The following TSEN54 variants were observed in gnomAD, a reference collection of about 807,000 sequenced individuals.
TSEN54 encodes the protein tRNA-splicing endonuclease subunit Sen54.
In TSEN54, 55 loss-of-function variants were observed where a neutral mutation model predicts 61.9. The observed-to-expected ratio is 0.89, with a 90% CI of 0.72 to 1.11. The LOEUF (loss-of-function observed/expected upper bound fraction) is 1.11. TSEN54 is among the 50% of genes most tolerant of loss of function. The pLI, the probability that TSEN54 is intolerant of heterozygous loss-of-function variation, is 0.00. For missense variants in TSEN54, 760 were observed against 687.7 expected, an observed-to-expected ratio of 1.11 and a Z score of -1.18; for synonymous variants, 304 against 288.7, an observed-to-expected ratio of 1.05 and a Z score of -0.54.
intron 7 of TSEN54, 49 bp from the exon 8 acceptor site, chr17:75,521,656 A>C: frequency 6.3e-7 from 1 of 1,598,804 alleles, no homozygotes; most frequent in Non-Finnish European, 8.6e-7. Context: ...GGACGTGTGC[A>C]CCTTAGCAAC....
intron 6 of TSEN54, among the ~76,000 whole-genome samples, chr17:75,521,019 T>C (rs943466782): frequency 6.6e-6 from 1 of 151,706 alleles, no homozygotes; most frequent in Non-Finnish European, 1.5e-5. Flanking sequence ...GTGACGGGGC[T>C]GTGTCCACAA....
intron 5 of TSEN54, 147 bp from the exon 6 acceptor site, chr17:75,518,848 C>T (rs892004180): frequency 5.8e-6 from 9 of 1,541,448 alleles, no homozygotes; most frequent in Middle Eastern, 2.2e-4. Flanking sequence ...CGTAATGAAG[C>T]ATGGTCCAAC....
At chr17:75,517,370 G>A in intron 4 of TSEN54, 126 bp downstream of exon 4, 1 of 1,267,214 alleles carries the variant, frequency 7.9e-7, no homozygotes, top group Non-Finnish European at 1.1e-6. Flanking sequence ...TAAAGCAGGA[G>A]GTGGTACGTT....
Position 75,516,629 on chromosome 17 carries a change from C to G in TSEN54, c.56+13C>G. 3 of 1,202,622 alleles carry G rather than the reference C, an allele frequency of 2.5e-6. No homozygotes were observed. Among genetic ancestry groups the G allele is most frequent in the Non-Finnish European group, 2.1e-6 (2 of 970,510 alleles). 74.5% of individuals were successfully genotyped at this position (1,202,622 alleles called of 1,614,324 possible). A position where few individuals can be genotyped will look rare whatever the true frequency, so the allele number is the denominator to read the frequency against. ...GGCGCGTGCTCAGGTGCGGCGCGGC[C>G]CGGCCGGAGTGGGTGTCGGGGGCGC... On this transcript the variant is annotated intron_variant, in intron 1 of 10. Coordinates refer to ENST00000333213, the MANE Select transcript of TSEN54 (RefSeq NM_207346.3).
At chr17:75,518,737 A>G (rs2053398809) in intron 5 of TSEN54, 1 of 985,286 alleles carries the variant, frequency 1.0e-6, no homozygotes, top group Non-Finnish European at 1.2e-6. Flanking sequence ...TTCTGGTTTC[A>G]TGGCTATCAG....
intron 8 of TSEN54, 115 bp downstream of exon 8, chr17:75,522,448 G>T: frequency 6.6e-7 from 1 of 1,521,860 alleles, no homozygotes; most frequent in South Asian, 1.2e-5. Context: ...GATGTGGGAG[G>T]AGGGAGTGGA....
Position 75,522,213 on chromosome 17 carries a change from T to TGGCGGGAGTACAAGGAGCTGCTGCAGC in TSEN54, c.1138_1164dup (p.Glu380_Arg388dup), listed in dbSNP as rs2053436703. 6.5e-7 allele frequency: 1 copy of TGGCGGGAGTACAAGGAGCTGCTGCAGC among 1,547,736 alleles called. No individual in the cohort carries two copies. The highest frequency in any genetic ancestry group is 8.7e-7 in the Non-Finnish European group (1 of 1,144,494). ...TCCCGAGGTGCAGCGGTGCTCCAGC[T>TGGCGGGAGTACAAGGAGCTGCTGCAGC]GGCGGGAGTACAAGGAGCTGCTGCA... is the stretch of plus-strand genomic sequence containing the variant. On this transcript the variant is annotated inframe_insertion, in exon 8 of 11. Coordinates refer to ENST00000333213, the MANE Select transcript of TSEN54 (RefSeq NM_207346.3).
chr17:75,519,638 C>G (rs1387423046), intron 6 of TSEN54, among the ~76,000 whole-genome samples: 1 of 152,254 alleles, frequency 6.6e-6, no homozygotes, highest in South Asian at 2.1e-4. Context: ...TCTCAGCTTA[C>G]TGTAGCCTCT....
rs745357381 is a variant in TSEN54 at position 75,523,658 on chromosome 17, G to T, written c.1314-5G>T. 20 of 1,614,214 alleles carry T rather than the reference G, an allele frequency of 1.2e-5. 1 individual carries two copies. Among genetic ancestry groups the T allele is most frequent in the Non-Finnish European group, 1.5e-5 (18 of 1,180,034 alleles). On this transcript the variant is annotated splice_region_variant and splice_polypyrimidine_tract_variant and intron_variant, in intron 9 of 10. Transcript: ENST00000333213. ...ATGTCATAACGTTTCTCATTGTATT[G>T]TCAGGCTGTTGGAGAAGTCTGGGGG...
At position 75,518,781 on chromosome 17, in the gene TSEN54, G is replaced by A. The variant is rs1349345740; in HGVS notation, c.469-214G>A. The A allele has an allele frequency of 9.1e-6, 9 of 985,304 alleles. 1 individual carries two copies. In the South Asian group the frequency reaches 2.3e-4, roughly 26 times the overall value. 61.0% of individuals were successfully genotyped at this position (985,304 alleles called of 1,614,324 possible). On this transcript the variant is annotated intron_variant, in intron 5 of 10. Coordinates refer to ENST00000333213, the MANE Select transcript of TSEN54 (RefSeq NM_207346.3). ...GATTTGGCTAAATGTCATTTGTGCC[G>A]AGTAAGGTAAGTGGGAGGACAGGAA... is the stretch of plus-strand genomic sequence containing the variant.
At chr17:75,524,217 G>A (rs947278929) in intron 10 of TSEN54, 45 bp from the exon 11 acceptor site, 2 of 1,613,282 alleles carry the variant, frequency 1.2e-6, no homozygotes, top group Non-Finnish European at 1.7e-6. Flanking sequence ...TAGAGCTTAG[G>A]AGTGGGCTAT....
chr17:75,516,794 G>A lies in TSEN54; in HGVS notation c.105G>A (p.Gln35=). 4.4e-6 allele frequency: 7 copies of A among 1,587,558 alleles called. No individual in the cohort carries two copies. Among genetic ancestry groups the A allele is most frequent in the Non-Finnish European group, 6.0e-6 (7 of 1,174,396 alleles). ...AARSRSQKLP[Q]RSHGPKDFLP... ...GCTCGCGGTCGCAGAAGCTGCCCCA[G>A]CGCTCGCATGGCCCCAAGGACTTTC... Residue 35 remains glutamine, a synonymous_variant, in exon 2 of 11, where the codon CAG becomes CAA. Coordinates refer to ENST00000333213, the MANE Select transcript of TSEN54 (RefSeq NM_207346.3).
chr17:75,523,419 A>G, intron 9 of TSEN54, 84 bp downstream of exon 9: 1 of 1,610,968 alleles, frequency 6.2e-7, no homozygotes, highest in Non-Finnish European at 8.5e-7. Flanking sequence ...AGTAGGGTGT[A>G]AACTAGAGGA....
intron 10 of TSEN54, 88 bp from the exon 11 acceptor site, chr17:75,524,174 A>G: frequency 5.0e-6 from 8 of 1,588,978 alleles, no homozygotes; most frequent in Non-Finnish European, 6.0e-6. Context: ...TTGCACCCCA[A>G]CTCCTTCCGT....
At position 75,522,112 on chromosome 17, in the gene TSEN54, G is replaced by A. The variant is rs767911960; in HGVS notation, c.1031G>A (p.Arg344His). The A allele has an allele frequency of 5.1e-6, 8 of 1,579,410 alleles. No individual in the cohort carries two copies. The highest frequency in any genetic ancestry group is 1.7e-4 in the Middle Eastern group (1 of 6,014). Reference sequence around the variant, plus strand: ...TCCTGGTGCCAGAAGCTGAACCAGCGCAAGGAGAAGCTCTCCAGGCGGGAA... The same window carrying A: ...TCCTGGTGCCAGAAGCTGAACCAGCACAAGGAGAAGCTCTCCAGGCGGGAA... ...AESWCQKLNQ[R>H]KEKLSRRERE... The change falls in exon 8 of 11, where the codon CGC (arginine) becomes CAC (histidine). Residue 344 changes from arginine (R) to histidine (H), a missense_variant. Physicochemically the swap from Arg to His is conservative, Grantham distance 29. Transcript: ENST00000333213.
chr17:75,522,080 C>T lies in TSEN54; in HGVS notation c.999C>T (p.Asp333=), dbSNP rs942598979. Reference sequence around the variant, plus strand: ...CCAACGTGGCTGGGCGGGAGACAGACGCTGAGTCCTGGTGCCAGAAGCTGA... The same window carrying T: ...CCAACGTGGCTGGGCGGGAGACAGATGCTGAGTCCTGGTGCCAGAAGCTGA... ...LPANVAGRET[D]AESWCQKLNQ... Residue 333 remains aspartate, a synonymous_variant, in exon 8 of 11, where the codon GAC becomes GAT. Coordinates refer to ENST00000333213, the MANE Select transcript of TSEN54 (RefSeq NM_207346.3). The T allele has an allele frequency of 8.2e-6, 13 of 1,586,068 alleles. No homozygotes were observed. Among genetic ancestry groups the T allele is most frequent in the Admixed American group, 5.3e-5 (3 of 56,540 alleles).
chr17:75,523,886 G>A lies in TSEN54; in HGVS notation c.1430+107G>A. ...TGGCCAGCGTGCCAATCTCTGAGAG[G>A]AACAGGAGGTCCAGAGAGGCTAAGT... On this transcript the variant is annotated intron_variant, in intron 10 of 10. Coordinates refer to ENST00000333213, the MANE Select transcript of TSEN54 (RefSeq NM_207346.3). 8 of 1,283,284 alleles carry A rather than the reference G, an allele frequency of 6.2e-6. No individual in the cohort carries two copies. In the South Asian group the frequency reaches 1.0e-4, roughly 16 times the overall value. The allele number at this position is 1,283,284 out of a possible 1,614,324, so 79.5% of individuals were successfully genotyped here. A position where few individuals can be genotyped will look rare whatever the true frequency, so the allele number is the denominator to read the frequency against.
chr17:75,520,223 A>G lies in TSEN54; in HGVS notation c.521+1176A>G, dbSNP rs140102745. On this transcript the variant is annotated intron_variant, in intron 6 of 10. Transcript: ENST00000333213. ...TCTGTGATGTCTAATACATGGGGCT[A>G]GAGCAACTGTGGGACTGAATGTTTA... 3.0e-3 allele frequency among the ~76,000 whole-genome samples: 459 copies of G among 152,356 alleles called. 2 individuals are homozygous for G. The highest frequency in any genetic ancestry group is 0.011 in the African/African-American group (441 of 41,578).
At chr17:75,517,475 G>A in intron 4 of TSEN54, 82 bp from the exon 5 acceptor site, 1 of 1,301,572 alleles carries the variant, frequency 7.7e-7, no homozygotes, top group Non-Finnish European at 1.1e-6. Context: ...GGAGGGGGAG[G>A]TATCAGAGCT....
Sources: gnomAD v4.1 joint callset for allele counts (sites outside exome capture counted in the v4.1 genomes callset) on GRCh38, gnomAD v4.1.1 for gene constraint, MANE v1.5 for transcripts, NCBI Gene and HGNC (gene_info 2026-07-23, HGNC 2026-07-21) for gene names.